Variants in NPAS3 observed in about 807,000 individuals in gnomAD.
The protein encoded by NPAS3 is neuronal PAS domain-containing protein 3.
Under a neutral mutation model 73.1 loss-of-function variants are expected in NPAS3, and 14 were observed. That is an observed-to-expected ratio of 0.19 (90% CI 0.13 to 0.30). NPAS3 has a LOEUF of 0.30. Ranked by LOEUF, NPAS3 falls within the 10% of genes least tolerant of loss-of-function variation. The pLI is 1.00. For synonymous variants in NPAS3, 620 were observed against 541.5 expected (o/e 1.14, Z -2.01); for missense variants, 1,096 against 1,250.0 (o/e 0.88, Z 1.86).
chr14:33,378,152 AAC>A (rs2046386244), intron 4 of NPAS3, among the ~76,000 whole-genome samples: 1 of 152,178 alleles, frequency 6.6e-6, no homozygotes, highest in Non-Finnish European at 1.5e-5. Context: ...TCTTACCTCA[AAC>A]AGTGTTAGAA....
intron 1 of NPAS3, among the ~76,000 whole-genome samples, chr14:32,979,278 G>T (rs190594681): frequency 6.6e-6 from 1 of 152,046 alleles, no homozygotes; most frequent in African/African-American, 2.4e-5. Flanking sequence ...GAGCTCTCTG[G>T]GTCTTATTAT....
chr14:33,446,572 A>T (rs1036034686), intron 4 of NPAS3, among the ~76,000 whole-genome samples: 1 of 152,224 alleles, frequency 6.6e-6, no homozygotes, highest in Non-Finnish European at 1.5e-5. Context: ...CCCTCGGAAG[A>T]GATGGAGAAA....
intron 4 of NPAS3, among the ~76,000 whole-genome samples, chr14:33,527,321 A>G (rs2053846661): frequency 6.6e-6 from 1 of 152,196 alleles, no homozygotes; most frequent in Non-Finnish European, 1.5e-5. Context: ...TGTCGTTTAC[A>G]GCAAGAGCCC....
chr14:33,167,470 A>G (rs2045208728), intron 2 of NPAS3, among the ~76,000 whole-genome samples: 1 of 152,146 alleles, frequency 6.6e-6, no homozygotes, highest in Non-Finnish European at 1.5e-5. Context: ...AAATTAACAA[A>G]TCAATCTGCT....
Position 33,307,593 on chromosome 14 carries a change from A to ATGTGTGTGTG in NPAS3, c.386-59583_386-59574dup, listed in dbSNP as rs10528551. On this transcript the variant is annotated intron_variant, in intron 3 of 11. Coordinates refer to ENST00000356141, the Ensembl canonical transcript of NPAS3. ...TTTCACCTCACCAGGTTTTTTTTCA[A>ATGTGTGTGTG]TGTGTGTGTGTGTGTGTGTTCGTGT... Among the ~76,000 whole-genome samples the ATGTGTGTGTG allele has an allele frequency of 4.1e-3, 566 of 139,018 alleles. 1 individual carries two copies. The highest frequency in any genetic ancestry group is 5.4e-3 in the South Asian group (23 of 4,272). The allele number at this position is 139,018 out of a possible 152,430, so 91.2% of individuals were successfully genotyped here. A position where few individuals can be genotyped will look rare whatever the true frequency, so the allele number is the denominator to read the frequency against.
intron 2 of NPAS3, among the ~76,000 whole-genome samples, chr14:33,086,104 G>T (rs560824189): frequency 6.6e-6 from 1 of 152,138 alleles, no homozygotes; most frequent in Non-Finnish European, 1.5e-5. Context: ...CACAGGATTG[G>T]ACATGTCATT....
chr14:33,073,503 A>T (rs1353362317), intron 2 of NPAS3, among the ~76,000 whole-genome samples: 2 of 152,272 alleles, frequency 1.3e-5, no homozygotes, highest in East Asian at 1.9e-4. Flanking sequence ...AGAAGTGCCT[A>T]AGTTTTTCAG....
rs548699751 is a variant in NPAS3 at position 33,128,110 on chromosome 14, G to A, written c.140+72116G>A. Among the ~76,000 whole-genome samples, 8 of 152,246 alleles carry A rather than the reference G, an allele frequency of 5.3e-5. No individual in the cohort carries two copies. The South Asian group carries it at 1.7e-3, about 32-fold the overall frequency. ...TAATGTCAGCCATAAAAATTCTGGA[G>A]TAATTAAAATGCAAAAAAGCTGTAA... On this transcript the variant is annotated intron_variant, in intron 2 of 11. Transcript: ENST00000356141.
chr14:33,668,026 C>G (rs1344389123), intron 5 of NPAS3, among the ~76,000 whole-genome samples: 1 of 152,088 alleles, frequency 6.6e-6, no homozygotes, highest in Non-Finnish European at 1.5e-5. Context: ...TTTTTAAAGA[C>G]CCCCTCATGG....
chr14:33,256,368 T>C (rs1327839210), intron 3 of NPAS3, among the ~76,000 whole-genome samples: 2 of 152,182 alleles, frequency 1.3e-5, no homozygotes, highest in Non-Finnish European at 2.9e-5. Flanking sequence ...ATTTCCCTCA[T>C]TTGGATTGGA....
At chr14:33,369,673 G>T (rs1351086951) in intron 4 of NPAS3, among the ~76,000 whole-genome samples, 1 of 152,048 alleles carries the variant, frequency 6.6e-6, no homozygotes, top group Non-Finnish European at 1.5e-5. Context: ...AGAACTTTTG[G>T]TATAATTTGA....
At chr14:33,218,891 T>C (rs2047321623) in intron 3 of NPAS3, among the ~76,000 whole-genome samples, 1 of 152,178 alleles carries the variant, frequency 6.6e-6, no homozygotes, top group African/African-American at 2.4e-5. Flanking sequence ...GTGATTCCCA[T>C]TGTATACAGA....
chr14:33,538,274 A>C (rs2054346722), intron 4 of NPAS3, among the ~76,000 whole-genome samples: 1 of 152,192 alleles, frequency 6.6e-6, no homozygotes, highest in African/African-American at 2.4e-5. Flanking sequence ...CCACTCCCAC[A>C]CAATAATACC....
chr14:33,322,088 C>A (rs570480129), intron 3 of NPAS3, among the ~76,000 whole-genome samples: 3 of 152,110 alleles, frequency 2.0e-5, no homozygotes, highest in African/African-American at 4.8e-5. Context: ...GCACAAGGAC[C>A]TTTGTGCCTC....
At chr14:33,652,336 G>A (rs938712261) in intron 5 of NPAS3, among the ~76,000 whole-genome samples, 5 of 152,120 alleles carry the variant, frequency 3.3e-5, no homozygotes, top group East Asian at 1.9e-4. Flanking sequence ...TGAAACCAGC[G>A]TTTCCATATT....
intron 4 of NPAS3, among the ~76,000 whole-genome samples, chr14:33,445,627 A>C (rs2049451562): frequency 6.6e-6 from 1 of 152,244 alleles, no homozygotes; most frequent in Non-Finnish European, 1.5e-5. Flanking sequence ...CTCAAGGATG[A>C]AGATATTTCC....
At chr14:33,671,686 C>G (rs545499776) in intron 5 of NPAS3, among the ~76,000 whole-genome samples, 3 of 152,150 alleles carry the variant, frequency 2.0e-5, no homozygotes, top group Non-Finnish European at 2.9e-5. Context: ...CACTAAGCAA[C>G]GTGAGAGAGT....
chr14:32,985,297 G>A (rs2038052925), intron 1 of NPAS3, among the ~76,000 whole-genome samples: 1 of 152,152 alleles, frequency 6.6e-6, no homozygotes, highest in African/African-American at 2.4e-5. Flanking sequence ...TGTGTTGAAG[G>A]AGAGAGGTGC....
At chr14:33,167,998 G>A (rs978196331) in intron 2 of NPAS3, among the ~76,000 whole-genome samples, 1 of 152,194 alleles carries the variant, frequency 6.6e-6, no homozygotes, top group Non-Finnish European at 1.5e-5. Flanking sequence ...TCTCAAAAGT[G>A]GGTTGGACAG....
Sources: gnomAD v4.1 joint callset for allele counts (sites outside exome capture counted in the v4.1 genomes callset) on GRCh38, gnomAD v4.1.1 for gene constraint, MANE v1.5 for transcripts, NCBI Gene and HGNC (gene_info 2026-07-23, HGNC 2026-07-21) for gene names.